Variants in GRB10 observed in about 807,000 individuals in gnomAD.
GRB10 encodes the protein growth factor receptor-bound protein 10.
Under a neutral mutation model 80.9 loss-of-function variants are expected in GRB10, and 20 were observed. That is an observed-to-expected ratio of 0.25 (90% confidence interval 0.17 to 0.36). The LOEUF is 0.36. GRB10 is among the 10% of genes least tolerant of loss of function. The pLI is 1.00. For missense variants in GRB10, 548 were observed against 747.7 expected (o/e 0.73, Z 3.12); for synonymous variants, 291 against 291.5 (o/e 1.00, Z 0.02).
upstream of GRB10, among the ~76,000 whole-genome samples, chr7:50,785,899 C>T (rs978921843): frequency 7.9e-5 from 12 of 152,018 alleles, no homozygotes; most frequent in African/African-American, 2.9e-4. Flanking sequence ...AATATTATGC[C>T]ATTAAAAAAA....
intron 17 of GRB10, among the ~76,000 whole-genome samples, chr7:50,597,280 G>C (rs899907482): frequency 6.6e-6 from 1 of 152,194 alleles, no homozygotes. Flanking sequence ...ACACCGATCA[G>C]AATGGGATTC....
intron 7 of GRB10, among the ~76,000 whole-genome samples, chr7:50,629,531 C>G (rs184345334): frequency 1.3e-5 from 2 of 152,276 alleles, no homozygotes; most frequent in Non-Finnish European, 1.5e-5. Flanking sequence ...ACACAGCACT[C>G]TCTGGTACTT....
chr7:50,745,740 T>C (rs540795056), intron 3 of GRB10, among the ~76,000 whole-genome samples: 1 of 152,332 alleles, frequency 6.6e-6, no homozygotes, highest in South Asian at 2.1e-4. Flanking sequence ...TTCCAATCAA[T>C]ATTAGATGGT....
intron 7 of GRB10, among the ~76,000 whole-genome samples, chr7:50,658,374 G>A (rs147704533): frequency 3.9e-5 from 6 of 152,262 alleles, no homozygotes; most frequent in East Asian, 1.9e-4. Flanking sequence ...ATGAAATTTC[G>A]AGTCAAAGCA....
intron 3 of GRB10, among the ~76,000 whole-genome samples, chr7:50,752,100 C>A (rs1012067209): frequency 1.3e-5 from 2 of 152,132 alleles, no homozygotes; most frequent in African/African-American, 4.8e-5. Context: ...TACAAAACCA[C>A]AGAGTCAGGG....
intron 2 of GRB10, among the ~76,000 whole-genome samples, chr7:50,773,121 T>A (rs2077145360): frequency 6.6e-6 from 1 of 152,102 alleles, no homozygotes; most frequent in South Asian, 2.1e-4. Context: ...AGAGAACTTG[T>A]GCAGAGAAAC....
At chr7:50,785,751 T>A (rs888916632), upstream of GRB10, among the ~76,000 whole-genome samples, 1 of 152,286 alleles carries the variant, frequency 6.6e-6, no homozygotes, top group Non-Finnish European at 1.5e-5. Flanking sequence ...CCATAGGCTC[T>A]GCTTTCCGGG....
intron 4 of GRB10, among the ~76,000 whole-genome samples, chr7:50,707,356 C>T (rs2065177415): frequency 6.6e-6 from 1 of 152,192 alleles, no homozygotes; most frequent in South Asian, 2.1e-4. Context: ...GGTCACCCTG[C>T]TCACGTGTTA....
At chr7:50,773,623 T>C (rs1035707734) in intron 2 of GRB10, among the ~76,000 whole-genome samples, 5 of 152,136 alleles carry the variant, frequency 3.3e-5, no homozygotes, top group African/African-American at 7.2e-5. Flanking sequence ...GCAGCTGCTC[T>C]AGAAAACAGT....
At chr7:50,605,097 G>C in intron 15 of GRB10, 193 bp downstream of exon 15, 1 of 609,786 alleles carries the variant, frequency 1.6e-6, no homozygotes, top group South Asian at 2.0e-5. Flanking sequence ...GGGGACAGCG[G>C]GGAAAGGCTG....
At chr7:50,784,641 G>GA (rs1409864533), upstream of GRB10, among the ~76,000 whole-genome samples, 8 of 152,316 alleles carry the variant, frequency 5.3e-5, no homozygotes, top group Admixed American at 3.9e-4. Flanking sequence ...GATGGACAAG[G>GA]AATCTTGAAA....
At chr7:50,733,487 AAG>A (rs2070254454) in intron 3 of GRB10, among the ~76,000 whole-genome samples, 2 of 152,354 alleles carry the variant, frequency 1.3e-5, no homozygotes, top group Admixed American at 6.5e-5. Context: ...TGTTTTCTGC[AAG>A]AGTTTCTCTA....
chr7:50,759,275 T>C (rs1448470792), intron 2 of GRB10, among the ~76,000 whole-genome samples: 1 of 151,668 alleles, frequency 6.6e-6, no homozygotes, highest in African/African-American at 2.4e-5. Context: ...CATTCAGTAA[T>C]GCAAATCCAG....
At chr7:50,704,073 A>G (rs778359118) in intron 4 of GRB10, among the ~76,000 whole-genome samples, 165 bp from the exon 5 acceptor site, 3 of 152,248 alleles carry the variant, frequency 2.0e-5, no homozygotes, top group Non-Finnish European at 4.4e-5. Context: ...AACAGACTGC[A>G]TAAGGGAAGC....
At chr7:50,720,384 T>C (rs2067523048) in intron 4 of GRB10, among the ~76,000 whole-genome samples, 1 of 152,144 alleles carries the variant, frequency 6.6e-6, no homozygotes, top group Non-Finnish European at 1.5e-5. Flanking sequence ...AAAGTGACAG[T>C]ATTGACTGCA....
At chr7:50,620,531 G>T (rs765853629) in intron 8 of GRB10, among the ~76,000 whole-genome samples, 1 of 152,138 alleles carries the variant, frequency 6.6e-6, no homozygotes, top group Non-Finnish European at 1.5e-5. Flanking sequence ...GCTCGGCCCC[G>T]GTTTTGACAT....
At chr7:50,731,567 C>T (rs1254035816) in intron 4 of GRB10, among the ~76,000 whole-genome samples, 2 of 152,032 alleles carry the variant, frequency 1.3e-5, no homozygotes, top group Non-Finnish European at 2.9e-5. Flanking sequence ...CCAGGATTCG[C>T]GAATCAAATC....
At chr7:50,644,409 C>T (rs1236766883) in intron 7 of GRB10, among the ~76,000 whole-genome samples, 1 of 152,208 alleles carries the variant, frequency 6.6e-6, no homozygotes, top group African/African-American at 2.4e-5. Context: ...GTAGCACCCG[C>T]TTCCACTGCC....
chr7:50,639,885 T>C (rs888090966), intron 7 of GRB10, among the ~76,000 whole-genome samples: 53 of 152,242 alleles, frequency 3.5e-4, no homozygotes, highest in African/African-American at 1.2e-3. Context: ...TGGATATGCA[T>C]AGCCTGTTAT....
Sources: gnomAD v4.1 joint callset for allele counts (sites outside exome capture counted in the v4.1 genomes callset) on GRCh38, gnomAD v4.1.1 for gene constraint, MANE v1.5 for transcripts, NCBI Gene and HGNC (gene_info 2026-07-23, HGNC 2026-07-21) for gene names.